Variants in SMG6 observed in about 807,000 individuals in gnomAD.
SMG6 encodes the protein telomerase-binding protein EST1A.
SMG6 carries 66 observed loss-of-function variants against 142.2 expected under a neutral mutation model. That is an observed-to-expected ratio of 0.46 (90% confidence interval 0.38 to 0.57). The LOEUF is 0.57. SMG6 is among the 20% of genes least tolerant of loss of function. SMG6 has a pLI of 0.00. For missense variants in SMG6, 1,793 were observed against 1,832.0 expected (o/e 0.98, Z 0.39); for synonymous variants, 779 against 702.4 (o/e 1.11, Z -1.72).
At chr17:2,097,462 G>A (rs542422417) in intron 13 of SMG6, among the ~76,000 whole-genome samples, 41 of 152,210 alleles carry the variant, frequency 2.7e-4, no homozygotes, top group Non-Finnish European at 4.4e-4. Flanking sequence ...TACACTAACA[G>A]ACTTTTTTCC....
chr17:2,124,646 C>G (rs996205759), intron 13 of SMG6, among the ~76,000 whole-genome samples: 9 of 152,130 alleles, frequency 5.9e-5, no homozygotes, highest in African/African-American at 2.2e-4. Context: ...TACTCTGAGA[C>G]CTGTGATCTC....
At chr17:2,161,406 TTATTTATTTA>T (rs2071174463) in intron 13 of SMG6, among the ~76,000 whole-genome samples, 1 of 151,666 alleles carries the variant, frequency 6.6e-6, no homozygotes, top group African/African-American at 2.4e-5. Flanking sequence ...ATCCCGGCCT[TTATTTATTTA>T]TTTTTTTTTT....
At chr17:2,117,323 G>GA (rs954602744) in intron 13 of SMG6, among the ~76,000 whole-genome samples, 34 of 148,546 alleles carry the variant, frequency 2.3e-4, no homozygotes, top group African/African-American at 8.2e-4. Context: ...ATTAAGGCAA[G>GA]AAAAAAAACG....
At chr17:2,129,109 A>G (rs2070013139) in intron 13 of SMG6, among the ~76,000 whole-genome samples, 1 of 152,152 alleles carries the variant, frequency 6.6e-6, no homozygotes, top group Admixed American at 6.6e-5. Flanking sequence ...GCATTTTGGG[A>G]AGCCAAGGCA....
At chr17:2,268,194 G>A (rs2074465677) in intron 8 of SMG6, among the ~76,000 whole-genome samples, 2 of 152,122 alleles carry the variant, frequency 1.3e-5, no homozygotes, top group Non-Finnish European at 2.9e-5. Flanking sequence ...ATGTGCTACT[G>A]TGTCCAGTCT....
At position 2,300,510 on chromosome 17, in the gene SMG6, G is replaced by T; in HGVS notation, c.243C>A (p.Asp81Glu). ...SEEFKDEIVNDRDCSAVENGT... is the reference protein window; with the variant it reads ...SEEFKDEIVNERDCSAVENGT... ...CATTTTCAACAGCAGAGCAATCTCG[G>T]TCATTAACAATTTCATCTTTGAATT... The change falls in exon 2 of 19, where the codon GAC (aspartate) becomes GAA (glutamate). Residue 81 changes from aspartate to glutamate, a missense_variant. Asp to Glu is a conservative substitution (Grantham distance 45, BLOSUM62 2). Around this residue, in one of 3 missense-constraint regions of SMG6, gnomAD observed 1,597 missense variants for 1,584.6 expected, o/e 1.01. Transcript: ENST00000263073. The T allele has an allele frequency of 6.2e-7, 1 of 1,614,092 alleles. No individual in the cohort carries two copies. Among genetic ancestry groups the T allele is most frequent in the South Asian group, 1.1e-5 (1 of 91,072 alleles).
intron 17 of SMG6, 86 bp downstream of exon 17, chr17:2,065,382 T>G: frequency 7.3e-7 from 1 of 1,376,448 alleles, no homozygotes; most frequent in Non-Finnish European, 1.0e-6. Flanking sequence ...CTGCCCAGGC[T>G]GATGGGCCTC....
intron 8 of SMG6, among the ~76,000 whole-genome samples, chr17:2,268,930 C>T (rs1445233271): frequency 2.1e-5 from 2 of 95,312 alleles, no homozygotes; most frequent in Non-Finnish European, 4.4e-5. Context: ...AACGATCAGG[C>T]ACGGTGGCTC....
At chr17:2,179,872 G>A (rs1274616479) in intron 12 of SMG6, among the ~76,000 whole-genome samples, 1 of 152,194 alleles carries the variant, frequency 6.6e-6, no homozygotes, top group Non-Finnish European at 1.5e-5. Context: ...TTAAACCTGG[G>A]AAAGCCTCCA....
rs372973479 is a variant in SMG6, at chr17:2,164,432, CAAT to C, written c.3357+8223_3357+8225del. Among the ~76,000 whole-genome samples the C allele has an allele frequency of 4.4e-3, 667 of 151,884 alleles. 7 individuals carry two copies. The highest frequency in any genetic ancestry group is 0.015 in the African/African-American group (616 of 41,440). ...AGCAAAACGCTGTCTCAGAAAACAA[CAAT>C]GACAATGCAAACAACAACAAAACTT... is the stretch of plus-strand genomic sequence containing the variant. On this transcript the variant is annotated intron_variant, in intron 13 of 18. Coordinates refer to ENST00000263073, the MANE Select transcript of SMG6 (RefSeq NM_017575.5).
At chr17:2,276,907 G>A (rs2074661914) in intron 8 of SMG6, among the ~76,000 whole-genome samples, 2 of 151,870 alleles carry the variant, frequency 1.3e-5, no homozygotes, top group South Asian at 4.2e-4. Context: ...TCAGCCTCTT[G>A]AGTAGCTGGG....
intron 7 of SMG6, 54 bp from the exon 8 acceptor site, chr17:2,282,913 G>A: frequency 1.9e-6 from 3 of 1,572,018 alleles, no homozygotes; most frequent in East Asian, 2.2e-5. Flanking sequence ...GCTCACGCCT[G>A]TAATCCCAGC....
Position 2,099,917 on chromosome 17 carries a change from C to T in SMG6, c.3358-14016G>A, listed in dbSNP as rs1404832054. ...TCACTCTGTCGCCCAGGCTGGAGTG[C>T]AGTGGTGAGATTTCCGCTCACTGCA... On this transcript the variant is annotated intron_variant, in intron 13 of 18. Coordinates refer to ENST00000263073, the MANE Select transcript of SMG6 (RefSeq NM_017575.5). Among the ~76,000 whole-genome samples the T allele has an allele frequency of 2.6e-5, 4 of 152,204 alleles. No homozygotes were observed. In the East Asian group the frequency reaches 7.7e-4, roughly 29 times the overall value.
At chr17:2,256,679 G>A (rs2074187859) in intron 8 of SMG6, among the ~76,000 whole-genome samples, 1 of 152,196 alleles carries the variant, frequency 6.6e-6, no homozygotes, top group African/African-American at 2.4e-5. Flanking sequence ...TGAGGCTTAG[G>A]TGGGAGAACT....
At chr17:2,296,948 G>C (rs1205124211) in intron 4 of SMG6, among the ~76,000 whole-genome samples, 1 of 149,410 alleles carries the variant, frequency 6.7e-6, no homozygotes, top group African/African-American at 2.5e-5. Flanking sequence ...GTTACAGTGA[G>C]CCAAGATCAA....
At chr17:2,209,001 G>C (rs2072770123) in intron 10 of SMG6, among the ~76,000 whole-genome samples, 1 of 152,072 alleles carries the variant, frequency 6.6e-6, no homozygotes, top group South Asian at 2.1e-4. Flanking sequence ...GCAACAAAGT[G>C]AGACTCCATC....
At chr17:2,289,902 C>T (rs1456568756) in intron 6 of SMG6, among the ~76,000 whole-genome samples, 6 of 146,824 alleles carry the variant, frequency 4.1e-5, no homozygotes, top group African/African-American at 7.6e-5. Flanking sequence ...CGCAACAAAG[C>T]GAGGCTCCAT....
chr17:2,198,636 AC>A (rs2072409908), intron 10 of SMG6, among the ~76,000 whole-genome samples: 1 of 152,226 alleles, frequency 6.6e-6, no homozygotes, highest in Admixed American at 6.5e-5. Flanking sequence ...TTTTAAAACA[AC>A]TTCCTGTGAA....
intron 10 of SMG6, among the ~76,000 whole-genome samples, chr17:2,219,127 G>A (rs1197924334): frequency 6.6e-6 from 1 of 152,208 alleles, no homozygotes; most frequent in Non-Finnish European, 1.5e-5. Flanking sequence ...GCTCATGCCT[G>A]TAATCCCCGC....
Sources: gnomAD v4.1 joint callset for allele counts (sites outside exome capture counted in the v4.1 genomes callset) on GRCh38, gnomAD v4.1.1 for gene constraint, gnomAD v4.1.1 regional missense constraint, MANE v1.5 for transcripts, NCBI Gene and HGNC (gene_info 2026-07-23, HGNC 2026-07-21) for gene names.